ZNF84: variants seen among roughly 807,000 people sequenced by gnomAD.
ZNF84 encodes zinc finger protein HPF2.
Under a neutral mutation model 14.8 loss-of-function variants are expected in ZNF84, and 12 were observed. That is an observed-to-expected ratio of 0.81 (90% CI 0.52 to 1.31). ZNF84 has a LOEUF of 1.31. Among genes scored for constraint, ZNF84 ranks in the 50% most tolerant of loss-of-function variants. The pLI is 0.00. For synonymous variants in ZNF84, 347 were observed against 291.1 expected, an observed-to-expected ratio of 1.19 and a Z score of -1.96; for missense variants, 859 against 878.6, an observed-to-expected ratio of 0.98 and a Z score of 0.28.
In ZNF84 at chr12:133,057,297, T is replaced by C. The variant is rs1377787794; in HGVS notation, c.582T>C (p.Ile194=). Residue 194 remains isoleucine (I), a synonymous_variant, in exon 5 of 5, where the codon ATT becomes ATC. Coordinates refer to ENST00000539354, the MANE Select transcript of ZNF84 (RefSeq NM_001289971.2). ...KYKESYKKSQ[I]IIYHRNRLGE... ...AAGAGAGCTATAAAAAGTCACAGAT[T>C]ATCATATATCATAGAAATCGTTTAG... 6.2e-7 allele frequency: 1 copy of C among 1,613,086 alleles called. No individual in the cohort carries two copies. The highest frequency in any genetic ancestry group is 8.5e-7 in the Non-Finnish European group (1 of 1,179,766).
chr12:133,056,201 A>G (rs1298570763), intron 4 of ZNF84, among the ~76,000 whole-genome samples: 1 of 152,166 alleles, frequency 6.6e-6, no homozygotes, highest in Non-Finnish European at 1.5e-5. Flanking sequence ...TAAAAATATT[A>G]TCTTTTCCAT....
intron 1 of ZNF84, among the ~76,000 whole-genome samples, chr12:133,039,798 A>G (rs1381591040): frequency 2.0e-5 from 3 of 152,328 alleles, no homozygotes; most frequent in South Asian, 2.1e-4. Flanking sequence ...CAGTAACCAC[A>G]ATAAACATTA....
intron 2 of ZNF84, among the ~76,000 whole-genome samples, chr12:133,044,785 G>T (rs2137347629): frequency 6.6e-6 from 1 of 152,028 alleles, no homozygotes; most frequent in South Asian, 2.1e-4. Flanking sequence ...GTGGTGGCAG[G>T]CGCCTGTTAT....
At position 133,058,813 on chromosome 12, in the gene ZNF84, AATC is replaced by A; in HGVS notation, c.2103_2105del (p.His701del). ...CTTCTCTCAGAAGTCACAGCTGGTT[AATC>A]ATCAGAGAATTCATACAGGAGAGAA... On this transcript the variant is annotated inframe_deletion, in exon 5 of 5. Coordinates refer to ENST00000539354, the MANE Select transcript of ZNF84 (RefSeq NM_001289971.2). The A allele has an allele frequency of 1.9e-6, 3 of 1,614,100 alleles. No individual in the cohort carries two copies. The highest frequency in any genetic ancestry group is 2.2e-5 in the East Asian group (1 of 44,866).
intron 2 of ZNF84, among the ~76,000 whole-genome samples, chr12:133,044,282 C>G (rs1457054033): frequency 6.6e-6 from 1 of 151,512 alleles, no homozygotes; most frequent in East Asian, 1.9e-4. Flanking sequence ...GTAGATGGGA[C>G]TACAGGCACC....
At chr12:133,051,208 G>C (rs1954063394) in intron 4 of ZNF84, among the ~76,000 whole-genome samples, 1 of 151,968 alleles carries the variant, frequency 6.6e-6, no homozygotes, top group Admixed American at 6.6e-5. Context: ...CACTCACCTA[G>C]TGGGTTTAAT....
In ZNF84 at chr12:133,041,480, C is replaced by G. The variant is rs1198091078; in HGVS notation, c.13C>G (p.Gln5Glu). The G allele has an allele frequency of 5.0e-6, 8 of 1,614,082 alleles. No individual in the cohort carries two copies. The highest frequency in any genetic ancestry group is 6.8e-6 in the Non-Finnish European group (8 of 1,179,948). MTML[Q>E]ESFSFDDLSV... ...ACAGCAGCAGAAAATGACCATGTTA[C>G]AGGTGAGTTGATTGTTGAGTTCTTA... The change falls in exon 2 of 5, where the codon CAG (glutamine) becomes GAG (glutamate). Residue 5 changes from glutamine to glutamate, a missense_variant and splice_region_variant. By Grantham distance (29) the Gln-to-Glu change is conservative. Coordinates refer to ENST00000539354, the MANE Select transcript of ZNF84 (RefSeq NM_001289971.2).
At chr12:133,054,689 A>G (rs1458011113) in intron 4 of ZNF84, among the ~76,000 whole-genome samples, 11 of 151,922 alleles carry the variant, frequency 7.2e-5, no homozygotes, top group African/African-American at 1.9e-4. Context: ...ACATATATCA[A>G]AATATTACAC....
chr12:133,045,665 T>C (rs1953967942), intron 2 of ZNF84, among the ~76,000 whole-genome samples: 1 of 152,192 alleles, frequency 6.6e-6, no homozygotes, highest in South Asian at 2.1e-4. Flanking sequence ...AATTTGCAGT[T>C]ATCTGAATTG....
chr12:133,057,342 C>T lies in ZNF84; in HGVS notation c.627C>T (p.Cys209=). 2 of 1,613,642 alleles carry T rather than the reference C, an allele frequency of 1.2e-6. No homozygotes were observed. The highest frequency in any genetic ancestry group is 1.1e-5 in the South Asian group (1 of 91,018). Residue 209 remains cysteine, a synonymous_variant, in exon 5 of 5, where the codon TGC becomes TGT. Transcript: ENST00000539354. Reference sequence around the variant, plus strand: ...GTTTAGGGGAGAAACTCTATGAATGCAGTGAATGTAGGAAGCGCTTCAGTA... The same window carrying T: ...GTTTAGGGGAGAAACTCTATGAATGTAGTGAATGTAGGAAGCGCTTCAGTA... The part of the protein sequence containing the change: ...RNRLGEKLYE[C]SECRKRFSKK...
chr12:133,057,240 C>G lies in ZNF84; in HGVS notation c.525C>G (p.Thr175=). The G allele has an allele frequency of 1.2e-6, 2 of 1,613,766 alleles. No individual in the cohort carries two copies. Among genetic ancestry groups the G allele is most frequent in the Non-Finnish European group, 1.7e-6 (2 of 1,179,934 alleles). Residue 175 remains threonine (T), a synonymous_variant, in exon 5 of 5, where the codon ACC becomes ACG. Transcript: ENST00000539354. The stretch of plus-strand genomic sequence containing the variant: ...ATTCCAAGCCTGAGGATACTGATAC[C>G]TGGTTAAAATACTATGACTGTGATA... ...FLHSKPEDTD[T]WLKYYDCDKY... is the part of the protein sequence containing the mutation.
Position 133,058,864 on chromosome 12 carries a change from G to T in ZNF84, c.2149G>T (p.Gly717Trp). ...GAAGCCTTATCGATGCATTGAATGTGGGAAAGCTTTCTCACAGAAGTCACA... is the reference window on the plus strand; with the variant it reads ...GAAGCCTTATCGATGCATTGAATGTTGGAAAGCTTTCTCACAGAAGTCACA... ...GEKPYRCIECGKAFSQKSQLI... is the reference protein window; with the variant it reads ...GEKPYRCIECWKAFSQKSQLI... The change falls in exon 5 of 5, where the codon GGG (glycine) becomes TGG (tryptophan). Residue 717 changes from glycine to tryptophan, a missense_variant. Physicochemically the swap from Gly to Trp is radical, Grantham distance 184 (BLOSUM62 -2). Coordinates refer to ENST00000539354, the MANE Select transcript of ZNF84 (RefSeq NM_001289971.2). 6.2e-7 allele frequency: 1 copy of T among 1,613,302 alleles called. No homozygotes were observed. The highest frequency in any genetic ancestry group is 8.5e-7 in the Non-Finnish European group (1 of 1,179,742).
chr12:133,048,864 C>T lies in ZNF84; in HGVS notation c.238+16C>T. ...GATTCTCCAGGTGAGTGTATGAGAA[C>T]CAGGCAGATGGGAGAGAGCAGAAGC... On this transcript the variant is annotated intron_variant, in intron 4 of 4. Coordinates refer to ENST00000539354, the MANE Select transcript of ZNF84 (RefSeq NM_001289971.2). 1.9e-6 allele frequency: 3 copies of T among 1,600,924 alleles called. No homozygotes were observed. The highest frequency in any genetic ancestry group is 2.6e-6 in the Non-Finnish European group (3 of 1,169,280).
At position 133,041,499 on chromosome 12, in the gene ZNF84, G is replaced by A. The variant is rs1375540780; in HGVS notation, c.15+17G>A. ...ATGTTACAGGTGAGTTGATTGTTGAGTTCTTATTTTTTCCCAGGGAATTAG... is the reference window on the plus strand; with the variant it reads ...ATGTTACAGGTGAGTTGATTGTTGAATTCTTATTTTTTCCCAGGGAATTAG... On this transcript the variant is annotated intron_variant, in intron 2 of 4. Coordinates refer to ENST00000539354, the MANE Select transcript of ZNF84 (RefSeq NM_001289971.2). 5 of 1,613,734 alleles carry A rather than the reference G, an allele frequency of 3.1e-6. No individual in the cohort carries two copies. Among genetic ancestry groups the A allele is most frequent in the Non-Finnish European group, 4.2e-6 (5 of 1,179,638 alleles).
At chr12:133,039,115 G>A (rs1033989050) in intron 1 of ZNF84, 2 of 152,132 alleles carry the variant, frequency 1.3e-5, no homozygotes, top group Non-Finnish European at 2.9e-5. Flanking sequence ...TATATGTTTC[G>A]TATGACTGTG....
In ZNF84 at chr12:133,057,942, G is replaced by C. The variant is rs1473004317; in HGVS notation, c.1227G>C (p.Arg409Ser). Residue 409 changes from arginine (R) to serine (S), a missense_variant, in exon 5 of 5, where the codon AGG becomes AGC. Coordinates refer to ENST00000539354, the MANE Select transcript of ZNF84 (RefSeq NM_001289971.2). The stretch of plus-strand genomic sequence containing the variant: ...AACCCTATGAATGCAGCGAGTGTAG[G>C]AAAGCATTTAGAGAGAGGTCGAGTC... ...GEKPYECSEC[R>S]KAFRERSSLI... is the part of the protein sequence containing the mutation. 1.2e-6 allele frequency: 2 copies of C among 1,614,008 alleles called. No homozygotes were observed. Among genetic ancestry groups the C allele is most frequent in the Non-Finnish European group, 1.7e-6 (2 of 1,180,016 alleles).
intron 4 of ZNF84, among the ~76,000 whole-genome samples, chr12:133,054,722 T>C (rs1334070811): frequency 3.3e-5 from 5 of 152,014 alleles, no homozygotes; most frequent in East Asian, 1.9e-4. Flanking sequence ...TGTACAACTA[T>C]TATTTTTCAA....
intron 2 of ZNF84, among the ~76,000 whole-genome samples, chr12:133,045,432 C>T (rs1738223341): frequency 6.6e-6 from 1 of 152,192 alleles, no homozygotes; most frequent in Non-Finnish European, 1.5e-5. Flanking sequence ...GATTGGGCCA[C>T]TGCACTTCAG....
In ZNF84 at chr12:133,057,680, A is replaced by G. The variant is rs113644344; in HGVS notation, c.965A>G (p.Asn322Ser). Residue 322 changes from asparagine to serine, a missense_variant, in exon 5 of 5, where the codon AAT becomes AGT. Asn to Ser is a conservative substitution (Grantham distance 46, BLOSUM62 1). Transcript: ENST00000539354. ...ACAGGAGAGAAACCCTATGGATGCA[A>G]TGAATGTGGGAGGGCCTTTAGTGAA... ...THTGEKPYGC[N>S]ECGRAFSEKS... The G allele has an allele frequency of 1.7e-5, 27 of 1,612,214 alleles. No homozygotes were observed. Among genetic ancestry groups the G allele is most frequent in the African/African-American group, 5.4e-5 (4 of 74,368 alleles).
Sources: gnomAD v4.1 joint callset for allele counts (sites outside exome capture counted in the v4.1 genomes callset) on GRCh38, gnomAD v4.1.1 for gene constraint, MANE v1.5 for transcripts, NCBI Gene and HGNC (gene_info 2026-07-23, HGNC 2026-07-21) for gene names.